The following ST6GALNAC3 variants were observed in gnomAD, a reference collection of about 807,000 sequenced individuals.
ST6GALNAC3 encodes alpha-N-acetylgalactosaminide alpha-2,6-sialyltransferase 3.
Under a neutral mutation model 32.7 loss-of-function variants are expected in ST6GALNAC3, and 25 were observed. The observed-to-expected ratio is 0.76, with a 90% CI of 0.56 to 1.07. The LOEUF (loss-of-function observed/expected upper bound fraction) is 1.07. ST6GALNAC3 is among the 50% of genes least tolerant of loss of function. ST6GALNAC3 has a pLI of 0.00. For missense variants in ST6GALNAC3, 355 were observed against 382.4 expected, an observed-to-expected ratio of 0.93 and a Z score of 0.60; for synonymous variants, 129 against 133.1, an observed-to-expected ratio of 0.97 and a Z score of 0.21.
chr1:76,168,852 A>G (rs982726975), intron 1 of ST6GALNAC3, among the ~76,000 whole-genome samples: 1 of 151,978 alleles, frequency 6.6e-6, no homozygotes, highest in Admixed American at 6.6e-5. Flanking sequence ...GTGTCATTGC[A>G]TAAGAGATGG....
At chr1:76,249,488 T>C (rs906409846) in intron 1 of ST6GALNAC3, among the ~76,000 whole-genome samples, 30 of 152,222 alleles carry the variant, frequency 2.0e-4, no homozygotes, top group African/African-American at 7.0e-4. Context: ...TATTGCCACA[T>C]ATATTCCATT....
At chr1:76,197,369 CTGAT>C (rs1654263109) in intron 1 of ST6GALNAC3, among the ~76,000 whole-genome samples, 1 of 152,146 alleles carries the variant, frequency 6.6e-6, no homozygotes, top group Non-Finnish European at 1.5e-5. Flanking sequence ...TGCATGGACT[CTGAT>C]TGTCAGTCTG....
At chr1:76,462,627 G>A (rs1658357463) in intron 3 of ST6GALNAC3, among the ~76,000 whole-genome samples, 1 of 151,992 alleles carries the variant, frequency 6.6e-6, no homozygotes, top group Non-Finnish European at 1.5e-5. Context: ...GATAAATAGA[G>A]GACATATATG....
intron 3 of ST6GALNAC3, among the ~76,000 whole-genome samples, chr1:76,546,389 C>T (rs1324328345): frequency 6.6e-6 from 1 of 152,094 alleles, no homozygotes; most frequent in Non-Finnish European, 1.5e-5. Context: ...CTAATATGCT[C>T]TTGCCACAAC....
intron 3 of ST6GALNAC3, among the ~76,000 whole-genome samples, chr1:76,564,957 T>C (rs1441294316): frequency 2.0e-5 from 3 of 152,164 alleles, no homozygotes; most frequent in African/African-American, 7.2e-5. Flanking sequence ...GTTAGTTCTG[T>C]TTCTTATTTT....
At chr1:76,328,070 T>C (rs1457266055) in intron 2 of ST6GALNAC3, among the ~76,000 whole-genome samples, 1 of 152,172 alleles carries the variant, frequency 6.6e-6, no homozygotes, top group Non-Finnish European at 1.5e-5. Context: ...GAGGCTAGGA[T>C]AGGTAATACA....
At chr1:76,162,432 C>T (rs1206118041) in intron 1 of ST6GALNAC3, among the ~76,000 whole-genome samples, 1 of 152,162 alleles carries the variant, frequency 6.6e-6, no homozygotes, top group Non-Finnish European at 1.5e-5. Flanking sequence ...AATAACATGG[C>T]CTTTGCTGTC....
At chr1:76,305,561 G>A (rs1484795080) in intron 1 of ST6GALNAC3, among the ~76,000 whole-genome samples, 1 of 152,060 alleles carries the variant, frequency 6.6e-6, no homozygotes, top group East Asian at 1.9e-4. Context: ...CAATGTTTGG[G>A]AAGTGGTAAA....
At chr1:76,115,515 T>A (rs1050969880) in intron 1 of ST6GALNAC3, among the ~76,000 whole-genome samples, 2 of 152,244 alleles carry the variant, frequency 1.3e-5, no homozygotes, top group African/African-American at 2.4e-5. Context: ...TGGTAATGTA[T>A]GTTTTGATTT....
At chr1:76,624,501 T>C (rs2100714218) in intron 3 of ST6GALNAC3, among the ~76,000 whole-genome samples, 1 of 152,042 alleles carries the variant, frequency 6.6e-6, no homozygotes, top group Middle Eastern at 3.4e-3. Context: ...GAGAGCTTGC[T>C]TGTTTCACAG....
At chr1:76,317,631 T>C (rs1237850276) in intron 2 of ST6GALNAC3, among the ~76,000 whole-genome samples, 1 of 152,136 alleles carries the variant, frequency 6.6e-6, no homozygotes, top group African/African-American at 2.4e-5. Flanking sequence ...CTAAACTTCT[T>C]AGTATTTTTT....
intron 1 of ST6GALNAC3, among the ~76,000 whole-genome samples, chr1:76,239,843 T>C (rs982480373): frequency 4.6e-5 from 7 of 152,234 alleles, no homozygotes; most frequent in Non-Finnish European, 8.8e-5. Context: ...AGGGCTGAGA[T>C]AAGATGCAAA....
intron 1 of ST6GALNAC3, among the ~76,000 whole-genome samples, chr1:76,271,581 C>A (rs1163448539): frequency 6.6e-6 from 1 of 152,178 alleles, no homozygotes. Flanking sequence ...GGAGACAATT[C>A]TATCTGGAAA....
intron 2 of ST6GALNAC3, among the ~76,000 whole-genome samples, chr1:76,368,758 T>C (rs899366674): frequency 3.3e-5 from 5 of 152,252 alleles, no homozygotes; most frequent in East Asian, 1.9e-4. Context: ...TTATGAGCCA[T>C]GTCACCATGT....
chr1:76,330,627 C>T (rs1479701399), intron 2 of ST6GALNAC3, among the ~76,000 whole-genome samples: 1 of 152,180 alleles, frequency 6.6e-6, no homozygotes, highest in African/African-American at 2.4e-5. Flanking sequence ...CAGTAATAGC[C>T]AACATCTTCT....
At chr1:76,636,110 C>A (rs1047846038), downstream of ST6GALNAC3, among the ~76,000 whole-genome samples, 1 of 152,076 alleles carries the variant, frequency 6.6e-6, no homozygotes, top group Admixed American at 6.5e-5. Context: ...GATATCAGTA[C>A]CCACATCAGA....
intron 3 of ST6GALNAC3, among the ~76,000 whole-genome samples, chr1:76,460,199 T>C (rs1035372300): frequency 3.9e-5 from 6 of 152,172 alleles, no homozygotes; most frequent in Admixed American, 6.5e-5. Context: ...TAGAATCTCA[T>C]TGTGGTTTTT....
intron 2 of ST6GALNAC3, among the ~76,000 whole-genome samples, chr1:76,352,913 A>G (rs528492879): frequency 1.3e-5 from 2 of 152,112 alleles, no homozygotes; most frequent in Admixed American, 1.3e-4. Context: ...CCAGCTGGTT[A>G]TATCACCAAA....
At chr1:76,261,397 C>T (rs1658225509) in intron 1 of ST6GALNAC3, among the ~76,000 whole-genome samples, 1 of 152,108 alleles carries the variant, frequency 6.6e-6, no homozygotes, top group African/African-American at 2.4e-5. Context: ...TGGGTCTCTA[C>T]CACTATGGGA....
Sources: gnomAD v4.1 joint callset for allele counts (sites outside exome capture counted in the v4.1 genomes callset) on GRCh38, gnomAD v4.1.1 for gene constraint, MANE v1.5 for transcripts, NCBI Gene and HGNC (gene_info 2026-07-23, HGNC 2026-07-21) for gene names.